POU1F1: variants seen among roughly 807,000 people sequenced by gnomAD.
The protein encoded by POU1F1 is POU class 1 homeobox 1, also known as pituitary-specific positive transcription factor 1.
A neutral mutation model predicts 32.3 loss-of-function variants in POU1F1; 23 were observed. The ratio of observed to expected loss-of-function variants is 0.71; its 90% CI spans 0.51 to 1.01. The LOEUF is 1.01. POU1F1 is among the 50% of genes least tolerant of loss of function. POU1F1 has a pLI of 0.00. For missense variants in POU1F1, 323 were observed against 341.6 expected, an observed-to-expected ratio of 0.95 and a Z score of 0.43; for synonymous variants, 120 against 115.6, an observed-to-expected ratio of 1.04 and a Z score of -0.25.
intron 3 of POU1F1, among the ~76,000 whole-genome samples, chr3:87,262,619 T>C (rs2106928511): frequency 6.6e-6 from 1 of 152,180 alleles, no homozygotes; most frequent in East Asian, 1.9e-4. Flanking sequence ...ATATATTAAC[T>C]ATAATGCATA....
chr3:87,264,097 T>G (rs62257801), intron 3 of POU1F1, among the ~76,000 whole-genome samples, 191 bp downstream of exon 3: 313 of 152,274 alleles, frequency 2.1e-3, no homozygotes, highest in Non-Finnish European at 3.7e-3. Context: ...TTAAAAATTA[T>G]GTATTTAGGC....
intron 3 of POU1F1, 25 bp from the exon 4 acceptor site, chr3:87,262,260 C>G: frequency 6.2e-7 from 1 of 1,613,410 alleles, no homozygotes; most frequent in Non-Finnish European, 8.5e-7. Context: ...TAAAGACCAT[C>G]AGCTCCAACT....
intron 5 of POU1F1, 152 bp downstream of exon 5, chr3:87,261,121 G>T (rs1706506867): frequency 3.4e-6 from 2 of 581,114 alleles, no homozygotes; most frequent in South Asian, 2.0e-5. Context: ...ATGTTGGCCA[G>T]ACTGGTCTCG....
intron 2 of POU1F1, among the ~76,000 whole-genome samples, chr3:87,266,230 A>T (rs1342263375): frequency 6.8e-6 from 1 of 146,946 alleles, no homozygotes; most frequent in Admixed American, 6.8e-5. Context: ...TATTTAATTT[A>T]ATTTATTTAT....
intron 2 of POU1F1, among the ~76,000 whole-genome samples, chr3:87,270,832 A>G (rs1267912049): frequency 6.6e-6 from 1 of 152,104 alleles, no homozygotes; most frequent in Non-Finnish European, 1.5e-5. Flanking sequence ...ATGCAGCTTT[A>G]CTGGGGATAA....
chr3:87,272,168 T>C (rs1706739014), intron 2 of POU1F1, among the ~76,000 whole-genome samples: 1 of 151,802 alleles, frequency 6.6e-6, no homozygotes. Context: ...TTATCCACAG[T>C]TTTTCCCTCA....
intron 2 of POU1F1, among the ~76,000 whole-genome samples, chr3:87,269,669 A>G (rs1006067946): frequency 6.6e-6 from 1 of 152,182 alleles, no homozygotes; most frequent in Non-Finnish European, 1.5e-5. Flanking sequence ...GGCAGCAAGA[A>G]TATTTTCAGC....
chr3:87,264,568 C>T, intron 2 of POU1F1, 56 bp from the exon 3 acceptor site: 1 of 1,393,256 alleles, frequency 7.2e-7, no homozygotes, highest in Non-Finnish European at 1.0e-6. Flanking sequence ...CTCCTTATTT[C>T]TATATAAGAA....
intron 3 of POU1F1, among the ~76,000 whole-genome samples, chr3:87,263,658 T>A (rs1456473490): frequency 6.6e-6 from 1 of 152,006 alleles, no homozygotes; most frequent in Non-Finnish European, 1.5e-5. Flanking sequence ...CAAAATAACA[T>A]TTATAGGGTT....
In POU1F1 at chr3:87,264,305, A is replaced by G; in HGVS notation, c.422T>C (p.Val141Ala). The change falls in exon 3 of 6, where the codon GTG becomes GCG. Residue 141 changes from valine (V) to alanine (A), a missense_variant. Val to Ala is a moderately conservative substitution (Grantham distance 64). Coordinates refer to ENST00000350375, the MANE Select transcript of POU1F1 (RefSeq NM_000306.4). Reference protein sequence around the residue: ...ELEKFANEFKVRRIKLGYTQT... With the variant: ...ELEKFANEFKARRIKLGYTQT... ...GCACATACCTAATTTAATTCGTCTC[A>G]CTTTAAATTCATTGGCAAACTTTTC... The G allele has an allele frequency of 6.2e-7, 1 of 1,611,980 alleles. No individual in the cohort carries two copies. The highest frequency in any genetic ancestry group is 8.5e-7 in the Non-Finnish European group (1 of 1,178,102).
intron 3 of POU1F1, among the ~76,000 whole-genome samples, chr3:87,263,054 A>G (rs1464293570): frequency 6.6e-6 from 1 of 152,142 alleles, no homozygotes; most frequent in Non-Finnish European, 1.5e-5. Flanking sequence ...TTCTTATTAC[A>G]TTATCTATTG....
chr3:87,259,805 A>G lies in POU1F1; in HGVS notation c.*89T>C, dbSNP rs1706471296. Reference sequence around the variant, plus strand: ...CTGTAAAAGCTATTGATATAAAATGATTTTAAGTCAACCAAGTAATTTCTG... The same window carrying G: ...CTGTAAAAGCTATTGATATAAAATGGTTTTAAGTCAACCAAGTAATTTCTG... On this transcript the variant is annotated 3_prime_UTR_variant, in exon 6 of 6. Coordinates refer to ENST00000350375, the MANE Select transcript of POU1F1 (RefSeq NM_000306.4). 3.5e-6 allele frequency: 4 copies of G among 1,132,532 alleles called. No homozygotes were observed. The highest frequency in any genetic ancestry group is 4.0e-5 in the Admixed American group (2 of 50,314). The allele number at this position is 1,132,532 out of a possible 1,614,324, so 70.2% of individuals were successfully genotyped here.
intron 2 of POU1F1, among the ~76,000 whole-genome samples, chr3:87,269,739 C>T (rs1706691416): frequency 6.6e-6 from 1 of 152,018 alleles, no homozygotes; most frequent in African/African-American, 2.4e-5. Flanking sequence ...TGCTCATCAT[C>T]TTGTTTAAGT....
chr3:87,266,258 T>C (rs1440576151), intron 2 of POU1F1, among the ~76,000 whole-genome samples: 1 of 146,646 alleles, frequency 6.8e-6, no homozygotes, highest in Non-Finnish European at 1.5e-5. Context: ...TTATATTTTA[T>C]ATAAATTTAA....
intron 1 of POU1F1, 92 bp from the exon 2 acceptor site, chr3:87,273,510 G>A: frequency 6.3e-7 from 1 of 1,576,436 alleles, no homozygotes; most frequent in Non-Finnish European, 8.6e-7. Context: ...GTAAGAAAAT[G>A]TATAAGGATT....
intron 1 of POU1F1, among the ~76,000 whole-genome samples, chr3:87,273,651 T>C (rs964693612): frequency 6.6e-6 from 1 of 152,164 alleles, no homozygotes; most frequent in Non-Finnish European, 1.5e-5. Flanking sequence ...AAAGTTTGTC[T>C]CATGTAACGA....
intron 2 of POU1F1, among the ~76,000 whole-genome samples, chr3:87,270,079 C>CTT (rs1035492807): frequency 6.6e-6 from 1 of 152,010 alleles, no homozygotes; most frequent in African/African-American, 2.4e-5. Flanking sequence ...CTAGGAGAGA[C>CTT]TTTGAACAGC....
At chr3:87,260,966 A>G (rs566976655) in intron 5 of POU1F1, among the ~76,000 whole-genome samples, 1 of 151,396 alleles carries the variant, frequency 6.6e-6, no homozygotes, top group East Asian at 1.9e-4. Context: ...GCTGGAGTGC[A>G]GTGGCGCAAG....
chr3:87,261,100 A>C (rs1328803829), intron 5 of POU1F1, among the ~76,000 whole-genome samples, 173 bp downstream of exon 5: 1 of 151,800 alleles, frequency 6.6e-6, no homozygotes, highest in African/African-American at 2.4e-5. Context: ...TAGTAGAAAC[A>C]GAGTTTCACC....
Sources: allele counts gnomAD v4.1 joint callset (sites outside exome capture counted in the v4.1 genomes callset), GRCh38; gene constraint gnomAD v4.1.1; transcripts MANE v1.5; gene names NCBI Gene and HGNC (gene_info 2026-07-23, HGNC 2026-07-21).